Variants in RYR3 observed in about 807,000 individuals in gnomAD.
RYR3 encodes ryanodine receptor 3.
RYR3 carries 207 observed loss-of-function variants against 584.3 expected under a neutral mutation model. The observed-to-expected ratio is 0.35, with a 90% CI of 0.32 to 0.40. The LOEUF (loss-of-function observed/expected upper bound fraction) is 0.40. RYR3 is among the 10% of genes least tolerant of loss of function. The probability of loss-of-function intolerance (pLI) is 1.00; values close to 1 mark genes in which losing one functional copy is unlikely to be tolerated. For missense variants in RYR3, 5,616 were observed against 6,089.2 expected, an observed-to-expected ratio of 0.92 and a Z score of 2.59; for synonymous variants, 2,416 against 2,248.5, an observed-to-expected ratio of 1.07 and a Z score of -2.11.
chr15:33,802,111 G>A (rs753799276), intron 69 of RYR3, 150 bp downstream of exon 69: 4 of 767,472 alleles, frequency 5.2e-6, no homozygotes, highest in Non-Finnish European at 9.7e-6. Flanking sequence ...CTTTGAGAAC[G>A]AGCCAGAAGA....
chr15:33,733,144 G>C (rs2069107640), intron 48 of RYR3, among the ~76,000 whole-genome samples: 1 of 152,224 alleles, frequency 6.6e-6, no homozygotes, highest in African/African-American at 2.4e-5. Flanking sequence ...TTCATTGCTG[G>C]TGGGAGTGAC....
At chr15:33,805,690 G>C (rs977314409) in intron 69 of RYR3, among the ~76,000 whole-genome samples, 1 of 151,510 alleles carries the variant, frequency 6.6e-6, no homozygotes, top group African/African-American at 2.4e-5. Context: ...TGTTAGCCAG[G>C]ATGGTCTCGA....
At chr15:33,821,649 T>C (rs2077114135) in intron 80 of RYR3, 47 bp downstream of exon 80, 2 of 1,555,548 alleles carry the variant, frequency 1.3e-6, no homozygotes, top group South Asian at 1.1e-5. Flanking sequence ...GGTATTCCCA[T>C]TTGACACCTG....
intron 2 of RYR3, among the ~76,000 whole-genome samples, chr15:33,484,655 G>T (rs984017802): frequency 3.9e-5 from 6 of 152,180 alleles, no homozygotes; most frequent in African/African-American, 1.4e-4. Context: ...GTGGCAAAGG[G>T]ATCAAGGTAG....
chr15:33,772,220 G>T (rs2073629725), intron 63 of RYR3, 62 bp downstream of exon 63: 1 of 1,051,410 alleles, frequency 9.5e-7, no homozygotes. Context: ...GGAGGTGCAG[G>T]GCCCATTCAC....
chr15:33,797,255 G>A (rs2075681149), intron 67 of RYR3, among the ~76,000 whole-genome samples: 1 of 152,074 alleles, frequency 6.6e-6, no homozygotes, highest in Non-Finnish European at 1.5e-5. Flanking sequence ...TTTTCCAACT[G>A]CCTTTTGGCA....
At chr15:33,689,930 A>T (rs1431418480) in intron 38 of RYR3, among the ~76,000 whole-genome samples, 1 of 152,206 alleles carries the variant, frequency 6.6e-6, no homozygotes, top group Non-Finnish European at 1.5e-5. Context: ...AACCTTGGGC[A>T]TGTAACAGAT....
intron 16 of RYR3, among the ~76,000 whole-genome samples, chr15:33,592,410 TACCAG>T (rs1260206310): frequency 6.6e-6 from 1 of 152,172 alleles, no homozygotes; most frequent in Non-Finnish European, 1.5e-5. Context: ...AACTAGATGG[TACCAG>T]TGCTGCACTT....
chr15:33,635,546 T>C (rs1014518978), intron 25 of RYR3, 68 bp from the exon 26 acceptor site: 1 of 1,210,256 alleles, frequency 8.3e-7, no homozygotes, highest in South Asian at 1.3e-5. Flanking sequence ...TAGTGCTACC[T>C]AATTATTGAA....
intron 1 of RYR3, among the ~76,000 whole-genome samples, chr15:33,381,561 C>T (rs1056595291): frequency 6.6e-6 from 1 of 152,190 alleles, no homozygotes; most frequent in African/African-American, 2.4e-5. Flanking sequence ...TCATAGCCTT[C>T]TTCCTGCCCT....
chr15:33,788,414 C>G lies in RYR3; in HGVS notation c.9786C>G (p.Leu3262=). The change falls in exon 67 of 104, where the codon CTC becomes CTG. Residue 3262 remains leucine (L), a synonymous_variant. Transcript: ENST00000634891. ...LDEFAVLCRD[L]YAFYPMLIRY... is the part of the protein sequence containing the mutation. ...AGTTCGCGGTCCTCTGCAGAGATCT[C>G]TATGCCTTCTACCCCATGCTGATCC... is the stretch of plus-strand genomic sequence containing the variant. The G allele has an allele frequency of 6.2e-7, 1 of 1,613,984 alleles. No individual in the cohort carries two copies.
intron 94 of RYR3, 90 bp downstream of exon 94, chr15:33,848,511 A>T: frequency 1.4e-6 from 2 of 1,430,172 alleles, no homozygotes; most frequent in South Asian, 2.9e-5. Flanking sequence ...AAACTGGTTA[A>T]TATAAACTGT....
chr15:33,724,430 T>A (rs1467942399), intron 45 of RYR3, among the ~76,000 whole-genome samples: 1 of 152,210 alleles, frequency 6.6e-6, no homozygotes, highest in Non-Finnish European at 1.5e-5. Flanking sequence ...CTCTGCACAG[T>A]TTATTTCAAA....
At chr15:33,323,360 G>A (rs896687437) in intron 1 of RYR3, among the ~76,000 whole-genome samples, 2 of 151,930 alleles carry the variant, frequency 1.3e-5, no homozygotes, top group Admixed American at 6.6e-5. Flanking sequence ...CGCCTGCCCC[G>A]GCCTCCCAAA....
In RYR3 at chr15:33,748,136, C is replaced by T. The variant is rs1567084655; in HGVS notation, c.8012C>T (p.Pro2671Leu). The change falls in exon 54 of 104, where the codon CCT becomes CTT. Residue 2671 changes from proline to leucine, a missense_variant. Transcript: ENST00000634891. ...TAGGAGAAGGAAATTTATCGCTGGC[C>T]TGCGCGAGAGTCCCTGAAAACCATG... Reference protein sequence around the residue: ...TEKEKEIYRWPARESLKTMLA... With the variant: ...TEKEKEIYRWLARESLKTMLA... 6.2e-7 allele frequency: 1 copy of T among 1,613,824 alleles called. No homozygotes were observed. The highest frequency in any genetic ancestry group is 8.5e-7 in the Non-Finnish European group (1 of 1,179,834).
At chr15:33,860,687 G>T in intron 101 of RYR3, 28 bp downstream of exon 101, 1 of 1,481,412 alleles carries the variant, frequency 6.8e-7, no homozygotes, top group South Asian at 1.2e-5. Context: ...ACTAATCCCA[G>T]CTCTATTTTA....
intron 23 of RYR3, among the ~76,000 whole-genome samples, chr15:33,632,006 C>G (rs1458781117): frequency 6.6e-6 from 1 of 152,268 alleles, no homozygotes; most frequent in East Asian, 1.9e-4. Context: ...TGACAGGCTG[C>G]AGTGGAGGAA....
chr15:33,421,501 A>C (rs1471341783), intron 1 of RYR3, among the ~76,000 whole-genome samples: 1 of 152,184 alleles, frequency 6.6e-6, no homozygotes, highest in Non-Finnish European at 1.5e-5. Flanking sequence ...TGGACAATAA[A>C]AAGGCGAAGG....
chr15:33,790,261 G>A (rs953309222), intron 67 of RYR3, among the ~76,000 whole-genome samples: 5 of 150,234 alleles, frequency 3.3e-5, no homozygotes, highest in African/African-American at 1.2e-4. Flanking sequence ...CCAAAGTGCT[G>A]GGATTACAGG....
Sources: gnomAD v4.1 joint callset for allele counts (sites outside exome capture counted in the v4.1 genomes callset) on GRCh38, gnomAD v4.1.1 for gene constraint, MANE v1.5 for transcripts, NCBI Gene and HGNC (gene_info 2026-07-23, HGNC 2026-07-21) for gene names.